PKP4: variants seen among roughly 807,000 people sequenced by gnomAD.
PKP4 encodes plakophilin-4.
A neutral mutation model predicts 145.1 loss-of-function variants in PKP4; 90 were observed. The observed-to-expected ratio is 0.62, with a 90% CI of 0.52 to 0.74. The LOEUF is 0.74. Among genes scored for constraint, PKP4 ranks in the 30% least tolerant of loss-of-function variants. PKP4 has a pLI of 0.00. For missense variants in PKP4, 1,340 were observed against 1,482.7 expected (o/e 0.90, Z 1.58); for synonymous variants, 563 against 577.2 (o/e 0.98, Z 0.35).
rs112896220 is a variant in PKP4 at position 158,621,355 on chromosome 2, A to T, written c.537A>T (p.Ser179=). ...AGGCAGACAACAGACAGCAGCATTC[A>T]TTCATAGGATCAACTAACAACCATG... ...VSKADNRQQH[S]FIGSTNNHVV... is the part of the protein sequence containing the mutation. The change falls in exon 6 of 22, where the codon TCA becomes TCT. Residue 179 remains serine (S), a synonymous_variant. Coordinates refer to ENST00000389759, the MANE Select transcript of PKP4 (RefSeq NM_003628.6). 1 of 1,614,196 alleles carries T rather than the reference A, an allele frequency of 6.2e-7. No individual in the cohort carries two copies. The highest frequency in any genetic ancestry group is 8.5e-7 in the Non-Finnish European group (1 of 1,180,012).
chr2:158,547,463 A>C (rs2105687019), intron 2 of PKP4, among the ~76,000 whole-genome samples: 1 of 152,352 alleles, frequency 6.6e-6, no homozygotes, highest in South Asian at 2.1e-4. Context: ...GGCAGAATTA[A>C]TCTGTAACAA....
chr2:158,665,512 T>A (rs2056998335), intron 15 of PKP4, among the ~76,000 whole-genome samples: 1 of 152,224 alleles, frequency 6.6e-6, no homozygotes, highest in South Asian at 2.1e-4. Flanking sequence ...TAGATCTCTG[T>A]CCTACTGTCT....
intron 3 of PKP4, among the ~76,000 whole-genome samples, chr2:158,592,490 T>C (rs1024922648): frequency 1.3e-5 from 2 of 152,028 alleles, no homozygotes; most frequent in African/African-American, 4.8e-5. Flanking sequence ...GAGCTGAAAA[T>C]GCTGTTACAG....
At position 158,658,272 on chromosome 2, in the gene PKP4, T is replaced by C; in HGVS notation, c.2051T>C (p.Phe684Ser). ...SSFDDDHKIK[F>S]QTSLVLRNTT... ...TTTGATGATGATCATAAAATTAAAT[T>C]TCAGACTTCACTAGTTCTGCGTAAC... Residue 684 changes from phenylalanine to serine, a missense_variant, in exon 12 of 22, where the codon TTT becomes TCT. By Grantham distance (155) the Phe-to-Ser change is radical. Coordinates refer to ENST00000389759, the MANE Select transcript of PKP4 (RefSeq NM_003628.6). The C allele has an allele frequency of 6.2e-7, 1 of 1,608,080 alleles. No individual in the cohort carries two copies. Among genetic ancestry groups the C allele is most frequent in the Non-Finnish European group, 8.5e-7 (1 of 1,175,702 alleles).
chr2:158,663,385 C>T lies in PKP4; in HGVS notation c.2517C>T (p.Asn839=), dbSNP rs755195322. 2 of 1,614,120 alleles carry T rather than the reference C, an allele frequency of 1.2e-6. No individual in the cohort carries two copies. Among genetic ancestry groups the T allele is most frequent in the Non-Finnish European group, 1.7e-6 (2 of 1,179,990 alleles). The stretch of plus-strand genomic sequence containing the variant: ...TGACTCTTCTAGCAGAAAGTTCCAA[C>T]CCAGCCACCTTGGAAGGCTCTGCAG... ...PYLTLLAESS[N]PATLEGSAGS... The change falls in exon 15 of 22, where the codon AAC becomes AAT. Residue 839 remains asparagine (N), a synonymous_variant. Transcript: ENST00000389759.
chr2:158,562,428 G>A (rs1011073399), intron 2 of PKP4, among the ~76,000 whole-genome samples: 1 of 152,132 alleles, frequency 6.6e-6, no homozygotes, highest in Non-Finnish European at 1.5e-5. Flanking sequence ...TATACAAGGT[G>A]CCTAGAGTAG....
intron 11 of PKP4, among the ~76,000 whole-genome samples, chr2:158,651,676 A>G (rs774598732): frequency 2.6e-5 from 4 of 151,798 alleles, no homozygotes; most frequent in African/African-American, 4.8e-5. Flanking sequence ...CCTGTCAAAC[A>G]CAAGTTCACA....
At chr2:158,597,735 AT>A (rs2049880807) in intron 3 of PKP4, among the ~76,000 whole-genome samples, 1 of 152,134 alleles carries the variant, frequency 6.6e-6, no homozygotes, top group African/African-American at 2.4e-5. Context: ...GCTATGGTTT[AT>A]TTTTTCAGCT....
intron 3 of PKP4, chr2:158,588,147 T>G (rs1332044111): frequency 6.6e-6 from 1 of 152,192 alleles, no homozygotes; most frequent in African/African-American, 2.4e-5. Flanking sequence ...CTGGTTCACA[T>G]GTGTAAGATT....
Position 158,625,000 on chromosome 2 carries a change from T to C in PKP4, c.726T>C (p.Gly242=). The change falls in exon 7 of 22, where the codon GGT becomes GGC. Residue 242 remains glycine, a synonymous_variant. Transcript: ENST00000389759. The part of the protein sequence containing the change: ...PSRGSLRTSL[G]SGFGSPSVTD... ...GGGGGTCTCTGAGAACTTCTCTGGG[T>C]AGTGGATTTGGCTCTCCGTCAGTGA... The C allele has an allele frequency of 6.2e-7, 1 of 1,614,120 alleles. No individual in the cohort carries two copies. Among genetic ancestry groups the C allele is most frequent in the Non-Finnish European group, 8.5e-7 (1 of 1,179,996 alleles).
rs192599201 is a variant in PKP4 at position 158,474,166 on chromosome 2, T to G, written c.-6+16948T>G. Among the ~76,000 whole-genome samples, 3 of 152,356 alleles carry G rather than the reference T, an allele frequency of 2.0e-5. No homozygotes were observed. The East Asian group carries it at 5.8e-4, about 29-fold the overall frequency. The stretch of plus-strand genomic sequence containing the variant: ...AGAAGCTACTCGACGACAGATATTC[T>G]GCGTTTTACACGTTTGCTGCCCCTA... On this transcript the variant is annotated intron_variant, in intron 1 of 21. Transcript: ENST00000389759.
intron 4 of PKP4, among the ~76,000 whole-genome samples, chr2:158,614,874 TC>T (rs1251207643): frequency 6.6e-6 from 1 of 152,108 alleles, no homozygotes; most frequent in Non-Finnish European, 1.5e-5. Flanking sequence ...TATTACCACC[TC>T]CTCAAAACAC....
rs143963847 is a variant in PKP4 at position 158,584,901 on chromosome 2, G to A, written c.245+7518G>A. ...TCTCGATAAATTGTAAACAGTGAAA[G>A]AGAAAGTTTATTTCTTTGTACATCA... On this transcript the variant is annotated intron_variant, in intron 3 of 21. Transcript: ENST00000389759. Among the ~76,000 whole-genome samples, 1,275 of 152,212 alleles carry A rather than the reference G, an allele frequency of 8.4e-3. 17 individuals carry two copies. Among genetic ancestry groups the A allele is most frequent in the African/African-American group, 0.028 (1,168 of 41,534 alleles).
chr2:158,619,638 T>A (rs2105888702), intron 4 of PKP4, among the ~76,000 whole-genome samples: 2 of 152,270 alleles, frequency 1.3e-5, no homozygotes, highest in Admixed American at 1.3e-4. Flanking sequence ...AAAGCCACAA[T>A]GCAATGCCAG....
intron 1 of PKP4, among the ~76,000 whole-genome samples, chr2:158,521,752 T>C (rs1023172722): frequency 2.6e-5 from 4 of 152,214 alleles, no homozygotes; most frequent in African/African-American, 7.2e-5. Flanking sequence ...TCCTAGTACT[T>C]CATTCTTCTG....
At chr2:158,596,907 T>G (rs2049804528) in intron 3 of PKP4, among the ~76,000 whole-genome samples, 1 of 152,220 alleles carries the variant, frequency 6.6e-6, no homozygotes, top group African/African-American at 2.4e-5. Context: ...TCCATACCTG[T>G]CTCACTGGGG....
intron 4 of PKP4, 82 bp from the exon 5 acceptor site, chr2:158,620,908 T>C: frequency 8.5e-7 from 1 of 1,181,144 alleles, no homozygotes; most frequent in Non-Finnish European, 1.3e-6. Context: ...TCTAAGATGC[T>C]GTTGACAAAC....
At chr2:158,591,076 C>A (rs898609649) in intron 3 of PKP4, among the ~76,000 whole-genome samples, 5 of 152,008 alleles carry the variant, frequency 3.3e-5, no homozygotes, top group Admixed American at 3.3e-4. Flanking sequence ...TGTACTGATA[C>A]ATTCATTAGA....
At chr2:158,574,659 G>A (rs1165047150) in intron 2 of PKP4, among the ~76,000 whole-genome samples, 1 of 152,192 alleles carries the variant, frequency 6.6e-6, no homozygotes. Flanking sequence ...ACATTTACAG[G>A]TGTTAAGTCA....
Sources: gnomAD v4.1 joint callset for allele counts (sites outside exome capture counted in the v4.1 genomes callset) on GRCh38, gnomAD v4.1.1 for gene constraint, MANE v1.5 for transcripts, NCBI Gene and HGNC (gene_info 2026-07-23, HGNC 2026-07-21) for gene names.